LNX1: variants seen among roughly 807,000 people sequenced by gnomAD.
The protein encoded by LNX1 is E3 ubiquitin-protein ligase LNX.
A neutral mutation model predicts 68.4 loss-of-function variants in LNX1; 54 were observed. The ratio of observed to expected loss-of-function variants is 0.79; its 90% confidence interval spans 0.63 to 0.99. The LOEUF (loss-of-function observed/expected upper bound fraction) is 0.99. Ranked by LOEUF, LNX1 falls within the 50% of genes least tolerant of loss-of-function variation. The pLI, the probability that LNX1 is intolerant of heterozygous loss-of-function variation, is 0.00. For missense variants in LNX1, 906 were observed against 926.4 expected, an observed-to-expected ratio of 0.98 and a Z score of 0.29; for synonymous variants, 336 against 350.0, an observed-to-expected ratio of 0.96 and a Z score of 0.45.
intron 1 of LNX1, chr4:53,579,216 G>A (rs1731678407): frequency 1.0e-6 from 1 of 969,848 alleles, no homozygotes; most frequent in Non-Finnish European, 1.2e-6. Context: ...TTTAGAGTAA[G>A]AAAGAGTAGT....
chr4:53,630,265 G>A (rs1273297002), intron 1 of LNX1, among the ~76,000 whole-genome samples: 3 of 152,024 alleles, frequency 2.0e-5, no homozygotes, highest in South Asian at 2.1e-4. Context: ...TATTATTTGT[G>A]GATTTCATAG....
chr4:53,477,693 T>C (rs1723654105), intron 8 of LNX1, among the ~76,000 whole-genome samples: 1 of 152,234 alleles, frequency 6.6e-6, no homozygotes, highest in Non-Finnish European at 1.5e-5. Context: ...ATTTCCATTT[T>C]CTATTTTTTT....
At chr4:53,640,582 A>G (rs1049834143) in intron 1 of LNX1, among the ~76,000 whole-genome samples, 3 of 152,354 alleles carry the variant, frequency 2.0e-5, no homozygotes, top group Non-Finnish European at 2.9e-5. Flanking sequence ...CCTTGATGTG[A>G]TATTAGCAAT....
chr4:53,650,662 A>G (rs973535557), intron 1 of LNX1, among the ~76,000 whole-genome samples: 1 of 152,086 alleles, frequency 6.6e-6, no homozygotes, highest in Non-Finnish European at 1.5e-5. Context: ...GTTCTATACT[A>G]CCGCCCTACA....
At chr4:53,641,322 A>G (rs1268025221) in intron 1 of LNX1, among the ~76,000 whole-genome samples, 2 of 152,244 alleles carry the variant, frequency 1.3e-5, no homozygotes, top group Non-Finnish European at 2.9e-5. Flanking sequence ...CCCAGATAAG[A>G]GGCGCTCTTC....
At chr4:53,584,264 G>A (rs1034384600) in intron 1 of LNX1, among the ~76,000 whole-genome samples, 1 of 152,088 alleles carries the variant, frequency 6.6e-6, no homozygotes, top group South Asian at 2.1e-4. Flanking sequence ...AATTCTACAG[G>A]GGTCATGGCT....
At chr4:53,622,388 G>A (rs769243440), upstream of LNX1, among the ~76,000 whole-genome samples, 8 of 151,968 alleles carry the variant, frequency 5.3e-5, no homozygotes, top group South Asian at 6.2e-4. Flanking sequence ...TCCCGGTGTC[G>A]CAGGAGTGAA....
At chr4:53,605,072 G>A (rs1198888274) in intron 2 of LNX1, among the ~76,000 whole-genome samples, 1 of 152,102 alleles carries the variant, frequency 6.6e-6, no homozygotes, top group Non-Finnish European at 1.5e-5. Flanking sequence ...GCTATGCCTA[G>A]AACTGGCATA....
intron 2 of LNX1, among the ~76,000 whole-genome samples, chr4:53,612,249 G>A (rs2109849606): frequency 6.6e-6 from 1 of 152,278 alleles, no homozygotes; most frequent in South Asian, 2.1e-4. Context: ...TGGCAGGTTA[G>A]TAGGTAAGGG....
At chr4:53,544,557 A>C (rs1728973013) in intron 2 of LNX1, among the ~76,000 whole-genome samples, 2 of 144,576 alleles carry the variant, frequency 1.4e-5, no homozygotes, top group African/African-American at 4.9e-5. Flanking sequence ...TTGAGCTGCT[A>C]TCTGAGTAGA....
At chr4:53,622,526 A>G (rs1355129790) in intron 1 of LNX1, among the ~76,000 whole-genome samples, 1 of 152,144 alleles carries the variant, frequency 6.6e-6, no homozygotes, top group African/African-American at 2.4e-5. Context: ...CTAGCAATGG[A>G]CCATTATCTC....
chr4:53,611,598 TA>T lies in LNX1; in HGVS notation c.-215+4918del, dbSNP rs1351297888. On this transcript the variant is annotated intron_variant, in intron 2 of 3. Coordinates refer to the LNX1 transcript ENST00000504299. ...CCTCGCTAGTTACTAGAACTGTCTATAAACCCATCGTATTAGGTTGGGGCAA... is the reference window on the plus strand; with the variant it reads ...CCTCGCTAGTTACTAGAACTGTCTATAACCCATCGTATTAGGTTGGGGCAA... Among the ~76,000 whole-genome samples the T allele has an allele frequency of 3.9e-5, 6 of 152,270 alleles. 1 individual carries two copies. Among genetic ancestry groups the T allele is most frequent in the African/African-American group, 9.6e-5 (4 of 41,556 alleles).
intron 1 of LNX1, among the ~76,000 whole-genome samples, chr4:53,623,206 CT>C (rs34868847): frequency 8.6e-4 from 122 of 142,284 alleles, no homozygotes; most frequent in South Asian, 6.8e-4. Flanking sequence ...GAGAGCAATT[CT>C]TTTTTTTTTT....
At chr4:53,530,643 G>T (rs1727948416) in intron 2 of LNX1, among the ~76,000 whole-genome samples, 1 of 152,112 alleles carries the variant, frequency 6.6e-6, no homozygotes, top group Non-Finnish European at 1.5e-5. Flanking sequence ...TAAGAATTCA[G>T]AGTAAAAAAA....
chr4:53,566,123 G>A (rs1476292099), intron 2 of LNX1, among the ~76,000 whole-genome samples: 9 of 151,772 alleles, frequency 5.9e-5, no homozygotes, highest in Non-Finnish European at 1.0e-4. Flanking sequence ...GCAGGCCAAC[G>A]TTCAGATTCA....
intron 2 of LNX1, among the ~76,000 whole-genome samples, chr4:53,532,106 A>G (rs924720651): frequency 4.6e-5 from 7 of 152,246 alleles, no homozygotes; most frequent in Admixed American, 6.5e-5. Context: ...ACAACTATGC[A>G]ATGGCTTAAG....
chr4:53,548,965 G>T (rs1052009535), intron 2 of LNX1, among the ~76,000 whole-genome samples: 5 of 152,182 alleles, frequency 3.3e-5, no homozygotes, highest in Admixed American at 6.5e-5. Flanking sequence ...GAGCTGAATG[G>T]TAAGAACTTC....
In LNX1 at chr4:53,459,930, G is replaced by GAGACTCAA. The variant is rs1721520608; in HGVS notation, c.*976_*977insTTGAGTCT. On this transcript the variant is annotated 3_prime_UTR_variant, in exon 11 of 11. Transcript: ENST00000263925. ...TATATTAAGAGACTCATACATTTTT[G>GAGACTCAA]ATATCACAACTTTTTGATGGCTTTT... 4.6e-6 allele frequency: 1 copy of GAGACTCAA among 218,272 alleles called. No homozygotes were observed. The highest frequency in any genetic ancestry group is 9.2e-6 in the Non-Finnish European group (1 of 108,648). The allele number at this position is 218,272 out of a possible 1,614,324, so 13.5% of individuals were successfully genotyped here. A position where few individuals can be genotyped will look rare whatever the true frequency, so the allele number is the denominator to read the frequency against.
intron 9 of LNX1, among the ~76,000 whole-genome samples, chr4:53,464,055 T>G (rs1429717627): frequency 6.6e-6 from 1 of 152,112 alleles, no homozygotes; most frequent in African/African-American, 2.4e-5. Flanking sequence ...TAAGTGGTAT[T>G]AGAATAGCAG....
Sources: allele counts gnomAD v4.1 joint callset (sites outside exome capture counted in the v4.1 genomes callset), GRCh38; gene constraint gnomAD v4.1.1; transcripts MANE v1.5; gene names NCBI Gene and HGNC (gene_info 2026-07-23, HGNC 2026-07-21).